The following PDE10A variants were observed in gnomAD, a reference collection of about 807,000 sequenced individuals.
The protein encoded by PDE10A is phosphodiesterase 10A, also known as cAMP and cAMP-inhibited cGMP 3',5'-cyclic phosphodiesterase 10A.
PDE10A carries 39 observed loss-of-function variants against 97.7 expected under a neutral mutation model. The observed-to-expected ratio is 0.40, with a 90% CI of 0.31 to 0.52. The LOEUF (loss-of-function observed/expected upper bound fraction) is 0.52. Among genes scored for constraint, PDE10A ranks in the 20% least tolerant of loss-of-function variants. PDE10A has a pLI of 0.56. For synonymous variants in PDE10A, 371 were observed against 376.8 expected (o/e 0.98, Z 0.18); for missense variants, 731 against 1,047.8 (o/e 0.70, Z 4.17).
intron 1 of PDE10A, among the ~76,000 whole-genome samples, chr6:165,727,952 G>T (rs1004428120): frequency 2.0e-5 from 3 of 152,046 alleles, no homozygotes; most frequent in Non-Finnish European, 4.4e-5. Context: ...TGGTTGTGTT[G>T]TGTTTTGTTT....
At chr6:165,927,513 A>T (rs1672440413) in intron 1 of PDE10A, among the ~76,000 whole-genome samples, 1 of 151,776 alleles carries the variant, frequency 6.6e-6, no homozygotes, top group African/African-American at 2.4e-5. Flanking sequence ...CTATGCAGAA[A>T]GTTTGAAGAA....
chr6:165,623,530 AC>A (rs982613678), intron 1 of PDE10A, among the ~76,000 whole-genome samples: 3 of 152,216 alleles, frequency 2.0e-5, no homozygotes, highest in Non-Finnish European at 2.9e-5. Context: ...ATAAACCTAA[AC>A]ATTCTGAAAA....
chr6:165,414,325 A>G, intron 12 of PDE10A, among the ~76,000 whole-genome samples: 1 of 152,326 alleles, frequency 6.6e-6, no homozygotes, highest in East Asian at 1.9e-4. Flanking sequence ...TTAATAGAAA[A>G]GGCTTGCTGA....
At chr6:165,816,192 G>T (rs895267696) in intron 1 of PDE10A, among the ~76,000 whole-genome samples, 3 of 152,094 alleles carry the variant, frequency 2.0e-5, no homozygotes, top group African/African-American at 7.2e-5. Flanking sequence ...CTCGTGATCT[G>T]CCCGCCTTGG....
At chr6:165,653,708 C>G (rs1042958534) in intron 1 of PDE10A, among the ~76,000 whole-genome samples, 6 of 152,226 alleles carry the variant, frequency 3.9e-5, no homozygotes, top group African/African-American at 1.4e-4. Flanking sequence ...CAAGGCACAG[C>G]TCTGATGCAG....
chr6:165,616,951 T>C (rs1787752458), intron 1 of PDE10A, among the ~76,000 whole-genome samples: 1 of 152,212 alleles, frequency 6.6e-6, no homozygotes, highest in Non-Finnish European at 1.5e-5. Context: ...CTTGAATCCA[T>C]GCAAAATGAG....
Position 165,697,909 on chromosome 6 carries a change from G to A in PDE10A, c.-614-154341C>T, listed in dbSNP as rs539420205. ...ATTTTAAATATCAATTGCAACTACAGGAGAAAAGAAGAAAGAGCATCCCTG... is the reference window on the plus strand; with the variant it reads ...ATTTTAAATATCAATTGCAACTACAAGAGAAAAGAAGAAAGAGCATCCCTG... On this transcript the variant is annotated intron_variant, in intron 1 of 19. Coordinates refer to the PDE10A transcript ENST00000366882. Among the ~76,000 whole-genome samples, 5 of 152,290 alleles carry A rather than the reference G, an allele frequency of 3.3e-5. No individual in the cohort carries two copies. In the South Asian group the frequency reaches 1.0e-3, roughly 32 times the overall value.
intron 1 of PDE10A, among the ~76,000 whole-genome samples, chr6:165,560,015 T>C (rs1013536277): frequency 6.6e-6 from 1 of 152,102 alleles, no homozygotes; most frequent in Admixed American, 6.6e-5. Flanking sequence ...ATTAATACAG[T>C]CCCCAAGACT....
intron 1 of PDE10A, among the ~76,000 whole-genome samples, chr6:165,924,148 G>C (rs1157620064): frequency 2.0e-5 from 3 of 152,216 alleles, no homozygotes; most frequent in Non-Finnish European, 4.4e-5. Context: ...TTCCGTGTTG[G>C]ATAGAAGATC....
At chr6:165,906,392 A>G (rs1782287679) in intron 1 of PDE10A, among the ~76,000 whole-genome samples, 1 of 151,802 alleles carries the variant, frequency 6.6e-6, no homozygotes, top group African/African-American at 2.4e-5. Context: ...GACCTGTCCT[A>G]GGATCCACAG....
chr6:165,653,517 G>T (rs546686713), intron 1 of PDE10A, among the ~76,000 whole-genome samples: 1 of 152,202 alleles, frequency 6.6e-6, no homozygotes, highest in Admixed American at 6.5e-5. Context: ...TGAGGAAGTG[G>T]AGAGAGACAG....
intron 1 of PDE10A, among the ~76,000 whole-genome samples, chr6:165,908,413 G>C (rs1782358819): frequency 6.6e-6 from 1 of 152,244 alleles, no homozygotes. Context: ...ATGGAGAAAA[G>C]AGAAAGGGGC....
rs1461593997 is a variant in PDE10A at position 165,327,792 on chromosome 6, A to G, written c.*5233T>C. 6.6e-6 allele frequency: 1 copy of G among 152,200 alleles called. No individual in the cohort carries two copies. The highest frequency in any genetic ancestry group is 2.4e-5 in the African/African-American group (1 of 41,436). The allele number at this position is 152,200 out of a possible 1,614,324, so 9.4% of individuals were successfully genotyped here. A position where few individuals can be genotyped will look rare whatever the true frequency, so the allele number is the denominator to read the frequency against. ...TAACTTGAAATTCTTTCTCCTTCCA[A>G]TAGAGAGCCTATTAAAATTCTGGAC... is the stretch of plus-strand genomic sequence containing the variant. On this transcript the variant is annotated 3_prime_UTR_variant, in exon 22 of 22. Transcript: ENST00000539869.
chr6:165,695,253 A>C (rs575022517), intron 1 of PDE10A, among the ~76,000 whole-genome samples: 1 of 152,322 alleles, frequency 6.6e-6, no homozygotes, highest in South Asian at 2.1e-4. Context: ...AAAACAAAAA[A>C]ACATATAGCC....
At chr6:165,811,199 G>C (rs1410748297) in intron 1 of PDE10A, among the ~76,000 whole-genome samples, 1 of 152,108 alleles carries the variant, frequency 6.6e-6, no homozygotes, top group East Asian at 1.9e-4. Flanking sequence ...CTCCAGCCTG[G>C]GTGACAAAGC....
intron 1 of PDE10A, among the ~76,000 whole-genome samples, chr6:165,720,859 G>A (rs1231431773): frequency 6.6e-6 from 1 of 152,192 alleles, no homozygotes; most frequent in East Asian, 1.9e-4. Context: ...GCTCTGGCCA[G>A]GCCATATATG....
intron 1 of PDE10A, among the ~76,000 whole-genome samples, chr6:165,551,864 A>C (rs186322962): frequency 5.1e-4 from 78 of 152,332 alleles, no homozygotes; most frequent in African/African-American, 1.8e-3. Flanking sequence ...ACCCAAGACT[A>C]ATCGGAAAAT....
intron 2 of PDE10A, among the ~76,000 whole-genome samples, chr6:165,540,177 C>T (rs766699753): frequency 9.9e-5 from 15 of 152,110 alleles, no homozygotes; most frequent in African/African-American, 1.7e-4. Flanking sequence ...TCATAGCGAG[C>T]GTCTCATGAT....
chr6:165,830,361 A>C (rs1779875886), intron 1 of PDE10A, among the ~76,000 whole-genome samples: 1 of 152,166 alleles, frequency 6.6e-6, no homozygotes, highest in Non-Finnish European at 1.5e-5. Context: ...AACAGTGACA[A>C]TCCTCCTCAG....
Sources: gnomAD v4.1 joint callset for allele counts (sites outside exome capture counted in the v4.1 genomes callset) on GRCh38, gnomAD v4.1.1 for gene constraint, MANE v1.5 for transcripts, NCBI Gene and HGNC (gene_info 2026-07-23, HGNC 2026-07-21) for gene names.